The following NMUR2 variants were observed in gnomAD, a reference collection of about 807,000 sequenced individuals.
NMUR2 encodes neuromedin-U receptor 2.
Under a neutral mutation model 25.1 loss-of-function variants are expected in NMUR2, and 24 were observed. The observed-to-expected ratio is 0.96, with a 90% CI of 0.69 to 1.34. The LOEUF is 1.34. Among genes scored for constraint, NMUR2 ranks in the 40% most tolerant of loss-of-function variants. The pLI is 0.00. For missense variants in NMUR2, 533 were observed against 512.8 expected (o/e 1.04, Z -0.38); for synonymous variants, 218 against 208.1 (o/e 1.05, Z -0.41).
chr5:152,401,108 A>T (rs1213170620), intron 1 of NMUR2, among the ~76,000 whole-genome samples: 2 of 152,322 alleles, frequency 1.3e-5, no homozygotes, highest in East Asian at 3.9e-4. Context: ...TAGTCTAGCC[A>T]ATATTCAATG....
chr5:152,397,053 G>T, intron 2 of NMUR2, among the ~76,000 whole-genome samples: 1 of 120,264 alleles, frequency 8.3e-6, no homozygotes. Context: ...TTATGACCAA[G>T]GAGAAAAGGG....
chr5:152,396,850 C>T (rs1472873842), intron 2 of NMUR2, among the ~76,000 whole-genome samples: 1 of 152,062 alleles, frequency 6.6e-6, no homozygotes, highest in Admixed American at 6.6e-5. Flanking sequence ...CGAGATGCCA[C>T]TGCACTCCAG....
rs1363236910 is a variant in NMUR2 at position 152,392,349 on chromosome 5, T to A, written c.1090A>T (p.Ile364Phe). The A allele has an allele frequency of 6.2e-7, 1 of 1,614,042 alleles. No individual in the cohort carries two copies. The highest frequency in any genetic ancestry group is 8.5e-7 in the Non-Finnish European group (1 of 1,179,952). Residue 364 changes from isoleucine to phenylalanine, a missense_variant, in exon 4 of 4, where the codon ATC becomes TTC. Physicochemically the swap from Ile to Phe is conservative, Grantham distance 21. Coordinates refer to ENST00000255262, the MANE Select transcript of NMUR2 (RefSeq NM_020167.5). ...ACAAAGTGGCATTCTGTCAGGAAGA[T>A]GTTCCGCTGGGCAGGTGGCAACTGT... Reference protein sequence around the residue: ...DPQLPPAQRNIFLTECHFVEL... With the variant: ...DPQLPPAQRNFFLTECHFVEL...
chr5:152,404,689 A>C lies in NMUR2; in HGVS notation c.425T>G (p.Val142Gly). The change falls in exon 1 of 4, where the codon GTG (valine) becomes GGG (glycine). Residue 142 changes from valine to glycine, a missense_variant. By Grantham distance (109) the Val-to-Gly change is moderately radical. Transcript: ENST00000255262. ...ASILSITTVS[V>G]ERYVAILHPF... is the part of the protein sequence containing the mutation. The stretch of plus-strand genomic sequence containing the variant: ...GTGTAGGATGGCCACGTAGCGCTCC[A>C]CGCTGACGGTGGTGATGCTGAGGAT... The C allele has an allele frequency of 6.2e-7, 1 of 1,614,134 alleles. No homozygotes were observed. Among genetic ancestry groups the C allele is most frequent in the African/African-American group, 1.3e-5 (1 of 75,044 alleles).
chr5:152,402,797 CG>C, intron 1 of NMUR2, among the ~76,000 whole-genome samples: 1 of 152,188 alleles, frequency 6.6e-6, no homozygotes, highest in East Asian at 1.9e-4. Flanking sequence ...TGAGCTAGTG[CG>C]GGGTGGGACA....
intron 2 of NMUR2, among the ~76,000 whole-genome samples, chr5:152,396,303 T>C (rs528306599): frequency 1.4e-4 from 21 of 152,154 alleles, no homozygotes; most frequent in African/African-American, 4.8e-4. Context: ...AAAGATAATC[T>C]TTTGGGGCTA....
chr5:152,399,200 A>G (rs956453677), intron 1 of NMUR2, among the ~76,000 whole-genome samples: 1 of 152,164 alleles, frequency 6.6e-6, no homozygotes, highest in Non-Finnish European at 1.5e-5. Context: ...ATATCCAGAA[A>G]TTAGTATAGT....
chr5:152,396,001 G>A (rs1026849142), intron 2 of NMUR2, among the ~76,000 whole-genome samples: 7 of 152,042 alleles, frequency 4.6e-5, no homozygotes, highest in Non-Finnish European at 7.4e-5. Flanking sequence ...GCAATGGGTA[G>A]GCAAGGAGAA....
Position 152,404,929 on chromosome 5 carries a change from C to A in NMUR2, c.185G>T (p.Gly62Val), listed in dbSNP as rs762380505. The A allele has an allele frequency of 1.2e-6, 2 of 1,613,964 alleles. No individual in the cohort carries two copies. The highest frequency in any genetic ancestry group is 4.5e-5 in the East Asian group (2 of 44,836). Residue 62 changes from glycine (G) to valine (V), a missense_variant, in exon 1 of 4, where the codon GGC becomes GTC. By Grantham distance (109) the Gly-to-Val change is moderately radical. Transcript: ENST00000255262. ...AATCACCAGGCACACCAGGACATTG[C>A]CAATGACCCCCACCACAAAAATTGG... is the stretch of plus-strand genomic sequence containing the variant. ...YVPIFVVGVI[G>V]NVLVCLVILQ...
At chr5:152,402,161 A>C (rs1753268209) in intron 1 of NMUR2, among the ~76,000 whole-genome samples, 1 of 152,166 alleles carries the variant, frequency 6.6e-6, no homozygotes, top group African/African-American at 2.4e-5. Flanking sequence ...AACAGGAAAC[A>C]GGGATGCTCA....
intron 1 of NMUR2, among the ~76,000 whole-genome samples, chr5:152,402,297 G>A (rs1753270278): frequency 6.6e-6 from 1 of 152,090 alleles, no homozygotes; most frequent in South Asian, 2.1e-4. Context: ...CAGGTATAGT[G>A]TACATAAAGG....
intron 2 of NMUR2, among the ~76,000 whole-genome samples, chr5:152,396,197 A>AACAC (rs3042430): frequency 1.6e-3 from 236 of 143,470 alleles, no homozygotes; most frequent in African/African-American, 2.8e-3. Context: ...CCACAAATTA[A>AACAC]ACACACACAC....
chr5:152,403,099 G>A (rs191624874), intron 1 of NMUR2, among the ~76,000 whole-genome samples: 45 of 152,216 alleles, frequency 3.0e-4, no homozygotes, highest in South Asian at 1.2e-3. Context: ...ATATCTGTTT[G>A]TCCTGTCATT....
chr5:152,397,532 C>G (rs1424054268), intron 2 of NMUR2, among the ~76,000 whole-genome samples: 1 of 151,666 alleles, frequency 6.6e-6, no homozygotes, highest in African/African-American at 2.4e-5. Context: ...CTATGAGTAT[C>G]AGGGGTTGGT....
rs754217110 is a variant in NMUR2 at position 152,404,721 on chromosome 5, G to C, written c.393C>G (p.Phe131Leu). Residue 131 changes from phenylalanine to leucine, a missense_variant, in exon 1 of 4, where the codon TTC becomes TTG. Coordinates refer to ENST00000255262, the MANE Select transcript of NMUR2 (RefSeq NM_020167.5). ...FKTALFETVCFASILSITTVS... is the reference protein window; with the variant it reads ...FKTALFETVCLASILSITTVS... ...CGGTGGTGATGCTGAGGATGGAGGC[G>C]AAGCACACGGTCTCAAAGAGGGCCG... The C allele has an allele frequency of 6.2e-7, 1 of 1,614,136 alleles. No homozygotes were observed. Among genetic ancestry groups the C allele is most frequent in the Non-Finnish European group, 8.5e-7 (1 of 1,180,040 alleles).
chr5:152,393,334 T>G (rs533915019), intron 3 of NMUR2, among the ~76,000 whole-genome samples: 5 of 152,042 alleles, frequency 3.3e-5, no homozygotes, highest in African/African-American at 1.2e-4. Context: ...CACAGAGAGG[T>G]TGAGAATGGC....
rs537546368 is a variant in NMUR2 at position 152,394,101 on chromosome 5, T to C, written c.937+1358A>G. 6.6e-5 allele frequency among the ~76,000 whole-genome samples: 10 copies of C among 152,226 alleles called. No homozygotes were observed. The South Asian group carries it at 2.1e-3, about 32-fold the overall frequency. On this transcript the variant is annotated intron_variant, in intron 3 of 3. Transcript: ENST00000255262. The stretch of plus-strand genomic sequence containing the variant: ...CATTATTGAGGCTATAACTTGAAAA[T>C]CTTAAGATAATTGCCTTGACGCATC...
intron 3 of NMUR2, among the ~76,000 whole-genome samples, chr5:152,395,195 TCCTTGACCATTTTCCTTC>T: frequency 6.6e-6 from 1 of 152,262 alleles, no homozygotes; most frequent in Admixed American, 6.5e-5. Context: ...AAGGAATCAC[TCCTTGACCATTTTCCTTC>T]TGTAATCATC....
chr5:152,398,384 T>TATG lies in NMUR2; in HGVS notation c.727-243_727-241dup, dbSNP rs549027461. On this transcript the variant is annotated intron_variant, in intron 1 of 3. Transcript: ENST00000255262. ...AGTGCAACCACTTTTCGTATACAGT[T>TATG]ATGTGGAAACTTGGCTGTGTAGCAT... Among the ~76,000 whole-genome samples the TATG allele has an allele frequency of 4.6e-3, 696 of 152,280 alleles. 6 individuals are homozygous for TATG. The highest frequency in any genetic ancestry group is 0.016 in the African/African-American group (669 of 41,554).
Sources: gnomAD v4.1 joint callset for allele counts (sites outside exome capture counted in the v4.1 genomes callset) on GRCh38, gnomAD v4.1.1 for gene constraint, MANE v1.5 for transcripts, NCBI Gene and HGNC (gene_info 2026-07-23, HGNC 2026-07-21) for gene names.